RYR3: variants seen among roughly 807,000 people sequenced by gnomAD.
The protein encoded by RYR3 is brain ryanodine receptor-calcium release channel.
Under a neutral mutation model 584.3 loss-of-function variants are expected in RYR3, and 207 were observed. The observed-to-expected ratio is 0.35, with a 90% CI of 0.32 to 0.40. RYR3 has a LOEUF of 0.40. Ranked by LOEUF, RYR3 falls within the 10% of genes least tolerant of loss-of-function variation. RYR3 has a pLI of 1.00. For missense variants in RYR3, 5,616 were observed against 6,089.2 expected, an observed-to-expected ratio of 0.92 and a Z score of 2.59; for synonymous variants, 2,416 against 2,248.5, an observed-to-expected ratio of 1.07 and a Z score of -2.11.
chr15:33,583,885 C>T (rs868555858), intron 14 of RYR3, among the ~76,000 whole-genome samples: 5 of 152,010 alleles, frequency 3.3e-5, no homozygotes, highest in African/African-American at 1.2e-4. Flanking sequence ...AGCCCTGTCT[C>T]TACTAAAAAT....
intron 1 of RYR3, among the ~76,000 whole-genome samples, chr15:33,466,278 G>C (rs80273762): frequency 0.049 from 7,401 of 152,190 alleles, 261 homozygotes; most frequent in African/African-American, 0.1. Flanking sequence ...AGCAACCAAG[G>C]AGACTGAGTA....
intron 58 of RYR3, 86 bp from the exon 59 acceptor site, chr15:33,756,220 T>C: frequency 3.3e-6 from 3 of 899,346 alleles, no homozygotes; most frequent in Non-Finnish European, 5.4e-6. Flanking sequence ...AAATAGCCTT[T>C]AGAAAAGCTG....
At chr15:33,852,920 T>A (rs2079253986) in intron 94 of RYR3, 125 bp from the exon 95 acceptor site, 2 of 783,094 alleles carry the variant, frequency 2.6e-6, no homozygotes, top group South Asian at 3.3e-5. Flanking sequence ...GATCTTAAAA[T>A]TCTTTGGTGA....
intron 25 of RYR3, among the ~76,000 whole-genome samples, chr15:33,635,188 T>C (rs4238567): frequency 0.46 from 69,662 of 152,136 alleles, 16,824 homozygotes; most frequent in Middle Eastern, 0.57. Flanking sequence ...GGAGGCACAG[T>C]AGGCCACAGG....
At chr15:33,358,152 A>T (rs1169522260) in intron 1 of RYR3, among the ~76,000 whole-genome samples, 1 of 152,184 alleles carries the variant, frequency 6.6e-6, no homozygotes, top group Non-Finnish European at 1.5e-5. Flanking sequence ...CAAGTTGTAT[A>T]TCTCCTCTGA....
intron 1 of RYR3, among the ~76,000 whole-genome samples, chr15:33,428,440 C>T (rs1364999778): frequency 2.0e-5 from 3 of 152,146 alleles, no homozygotes; most frequent in Non-Finnish European, 4.4e-5. Flanking sequence ...TTTAATAATC[C>T]TCACCCAGAT....
intron 15 of RYR3, among the ~76,000 whole-genome samples, chr15:33,585,660 A>T (rs1190501013): frequency 6.6e-6 from 1 of 152,200 alleles, no homozygotes; most frequent in African/African-American, 2.4e-5. Flanking sequence ...CTATTTTTAA[A>T]TGAAGTATTA....
chr15:33,416,635 A>G (rs1321147705), intron 1 of RYR3, among the ~76,000 whole-genome samples: 4 of 152,082 alleles, frequency 2.6e-5, no homozygotes, highest in Non-Finnish European at 1.5e-5. Flanking sequence ...CCTATTCTGT[A>G]GGTTCGTTGT....
chr15:33,852,806 G>C (rs2079241272), intron 94 of RYR3: 1 of 419,616 alleles, frequency 2.4e-6, no homozygotes, highest in South Asian at 3.2e-5. Context: ...ATAATTCTGA[G>C]GCAGAAACTG....
intron 1 of RYR3, among the ~76,000 whole-genome samples, chr15:33,391,465 A>T (rs1180328715): frequency 6.6e-6 from 1 of 151,806 alleles, no homozygotes; most frequent in African/African-American, 2.4e-5. Context: ...ATCTCTACTA[A>T]AATAAAAAAA....
chr15:33,798,264 T>A (rs1460925642), intron 67 of RYR3, among the ~76,000 whole-genome samples: 1 of 152,002 alleles, frequency 6.6e-6, no homozygotes, highest in Non-Finnish European at 1.5e-5. Context: ...AATTTTTGTA[T>A]TTTTTTAGTA....
intron 1 of RYR3, among the ~76,000 whole-genome samples, chr15:33,409,663 G>T (rs1219116454): frequency 1.3e-5 from 2 of 152,202 alleles, no homozygotes; most frequent in African/African-American, 4.8e-5. Flanking sequence ...CTATTGTTTG[G>T]AGTGGGAGGG....
chr15:33,781,869 G>T (rs1167467975), intron 65 of RYR3, among the ~76,000 whole-genome samples: 1 of 150,550 alleles, frequency 6.6e-6, no homozygotes, highest in South Asian at 2.1e-4. Flanking sequence ...AGGGGGGGGG[G>T]ATTTCCAACC....
Position 33,838,922 on chromosome 15 carries a change from A to G in RYR3, c.12942A>G (p.Thr4314=), listed in dbSNP as rs200676685. The stretch of plus-strand genomic sequence containing the variant: ...TTATTGGCAAGGATGAACCCCCTAC[A>G]TTAGAGAGTACTGTACAGAAGAAGA... ...SEIIGKDEPP[T]LESTVQKKRK... is the part of the protein sequence containing the mutation. The change falls in exon 89 of 104, where the codon ACA becomes ACG. Residue 4314 remains threonine (T), a synonymous_variant. Coordinates refer to ENST00000634891, the MANE Select transcript of RYR3 (RefSeq NM_001036.6). The G allele has an allele frequency of 2.2e-4, 363 of 1,613,762 alleles. 4 individuals carry two copies. Among genetic ancestry groups the G allele is most frequent in the Non-Finnish European group, 6.6e-5 (78 of 1,179,778 alleles).
intron 17 of RYR3, among the ~76,000 whole-genome samples, chr15:33,602,709 T>TGAG (rs1241120363): frequency 6.6e-6 from 1 of 150,814 alleles, no homozygotes; most frequent in Non-Finnish European, 1.5e-5. Context: ...GATCAAGTGT[T>TGAG]GAGGGTCCTA....
At chr15:33,785,594 C>A in intron 65 of RYR3, 68 bp from the exon 66 acceptor site, 1 of 1,244,728 alleles carries the variant, frequency 8.0e-7, no homozygotes, top group Non-Finnish European at 1.1e-6. Context: ...AAAGGAGGGG[C>A]AGAGAGAAGG....
At chr15:33,624,157 C>T (rs973686869) in intron 20 of RYR3, 134 bp downstream of exon 20, 11 of 683,000 alleles carry the variant, frequency 1.6e-5, no homozygotes, top group Non-Finnish European at 2.3e-5. Context: ...ACAACTGTTA[C>T]TCCTCACATT....
At chr15:33,415,545 T>C (rs2043741495) in intron 1 of RYR3, among the ~76,000 whole-genome samples, 1 of 151,506 alleles carries the variant, frequency 6.6e-6, no homozygotes, top group Admixed American at 6.6e-5. Context: ...AGGGCTGTAA[T>C]AGAGAAGTGT....
Position 33,349,839 on chromosome 15 carries a change from G to A in RYR3, c.51+38743G>A, listed in dbSNP as rs1388175652. On this transcript the variant is annotated intron_variant, in intron 1 of 103. Coordinates refer to ENST00000634891, the MANE Select transcript of RYR3 (RefSeq NM_001036.6). ...AATTCCCACCTATGAGTGAGAATAT[G>A]CGGTGTTTGGTTTTTTGTTCTTGGG... 8.0e-5 allele frequency among the ~76,000 whole-genome samples: 12 copies of A among 149,300 alleles called. No homozygotes were observed. The Admixed American group carries it at 8.1e-4, about 10-fold the overall frequency.
Sources: gnomAD v4.1 joint callset for allele counts (sites outside exome capture counted in the v4.1 genomes callset) on GRCh38, gnomAD v4.1.1 for gene constraint, MANE v1.5 for transcripts, NCBI Gene and HGNC (gene_info 2026-07-23, HGNC 2026-07-21) for gene names.